RSPH6A: variants seen among roughly 807,000 people sequenced by gnomAD.
RSPH6A encodes radial spoke head protein 6 homolog A.
RSPH6A carries 49 observed loss-of-function variants against 66.1 expected under a neutral mutation model. That is an observed-to-expected ratio of 0.74 (90% confidence interval 0.59 to 0.94). The LOEUF (loss-of-function observed/expected upper bound fraction) is 0.94, where lower values mean the gene tolerates loss of function less well. Ranked by LOEUF, RSPH6A falls within the 40% of genes least tolerant of loss-of-function variation. The pLI, the probability that RSPH6A is intolerant of heterozygous loss-of-function variation, is 0.00. For missense variants in RSPH6A, 977 were observed against 948.3 expected, an observed-to-expected ratio of 1.03 and a Z score of -0.40; for synonymous variants, 419 against 402.4, an observed-to-expected ratio of 1.04 and a Z score of -0.49.
chr19:45,796,140 C>T, intron 5 of RSPH6A, 34 bp from the exon 6 acceptor site: 3 of 1,448,914 alleles, frequency 2.1e-6, no homozygotes, highest in South Asian at 2.9e-5. Context: ...GAAATTCTCC[C>T]TCAAAGGCCC....
intron 2 of RSPH6A, among the ~76,000 whole-genome samples, chr19:45,808,066 T>A (rs1970569515): frequency 6.6e-6 from 1 of 152,228 alleles, no homozygotes; most frequent in Non-Finnish European, 1.5e-5. Context: ...GGGACCTATG[T>A]TGTCAAACAA....
At chr19:45,807,212 AATT>A (rs1156963073) in intron 2 of RSPH6A, among the ~76,000 whole-genome samples, 2 of 144,602 alleles carry the variant, frequency 1.4e-5, no homozygotes, top group Non-Finnish European at 3.0e-5. Context: ...ATTTTTTAAA[AATT>A]ATTATTATTA....
chr19:45,805,218 G>A (rs1314129110), intron 2 of RSPH6A, among the ~76,000 whole-genome samples: 1 of 152,106 alleles, frequency 6.6e-6, no homozygotes, highest in Non-Finnish European at 1.5e-5. Context: ...CCAACATGGT[G>A]AAACTCTGTC....
chr19:45,804,412 C>A lies in RSPH6A; in HGVS notation c.1493G>T (p.Gly498Val), dbSNP rs1970512216. The change falls in exon 3 of 6, where the codon GGC becomes GTC. Residue 498 changes from glycine to valine, a missense_variant. Physicochemically the swap from Gly to Val is moderately radical, Grantham distance 109. Transcript: ENST00000221538. The surrounding 1 kb of genome is among the most constrained non-coding windows in gnomAD (Gnocchi z 5.8). ...CTCCTCCTCACTAAACTGGTAGAAG[C>A]CCAGCGGGCTGACCTGCGTGGCGGC... is the stretch of plus-strand genomic sequence containing the variant. ...ISAATQVSPL[G>V]FYQFSEEEGD... 11 of 1,613,922 alleles carry A rather than the reference C, an allele frequency of 6.8e-6. No homozygotes were observed. The highest frequency in any genetic ancestry group is 1.1e-5 in the South Asian group (1 of 91,064).
Position 45,802,264 on chromosome 19 carries a change from C to A in RSPH6A, c.1654G>T (p.Gly552Cys). 1 of 1,393,170 alleles carries A rather than the reference C, an allele frequency of 7.2e-7. No individual in the cohort carries two copies. The allele number at this position is 1,393,170 out of a possible 1,614,324, so 86.3% of individuals were successfully genotyped here. A position where few individuals can be genotyped will look rare whatever the true frequency, so the allele number is the denominator to read the frequency against. Residue 552 changes from glycine (G) to cysteine (C), a missense_variant and splice_region_variant, in exon 4 of 6, where the codon GGC becomes TGC. Coordinates refer to ENST00000221538, the MANE Select transcript of RSPH6A (RefSeq NM_030785.4). ...VHHTQHILPQ[G>C]RCTWVNPLQK... ...AAAGGGTTCACCCAAGTGCAGCGGC[C>A]CTGGGGGTGGGGGGAAGCTCAGGTG...
intron 3 of RSPH6A, among the ~76,000 whole-genome samples, chr19:45,802,833 T>G (rs1970490176): frequency 6.6e-6 from 1 of 150,958 alleles, no homozygotes; most frequent in Non-Finnish European, 1.5e-5. Context: ...TCTTTTTTTT[T>G]TTTGAGATGG....
chr19:45,799,589 G>T (rs1040611741), intron 5 of RSPH6A, among the ~76,000 whole-genome samples: 1 of 148,910 alleles, frequency 6.7e-6, no homozygotes, highest in South Asian at 2.2e-4. Flanking sequence ...TGTTCCTCTC[G>T]CTGGTCTCAA....
Position 45,815,206 on chromosome 19 carries a change from G to T in RSPH6A, c.-30C>A. The T allele has an allele frequency of 6.5e-7, 1 of 1,545,304 alleles. No individual in the cohort carries two copies. Among genetic ancestry groups the T allele is most frequent in the African/African-American group, 1.4e-5 (1 of 73,068 alleles). Reference sequence around the variant, plus strand: ...CGCCAGGAGGCACAGATCTCTAGGAGAAAGGCTTGCAGACAAGGAGGCCAA... The same window carrying T: ...CGCCAGGAGGCACAGATCTCTAGGATAAAGGCTTGCAGACAAGGAGGCCAA... On this transcript the variant is annotated 5_prime_UTR_variant, in exon 1 of 6. Coordinates refer to ENST00000221538, the MANE Select transcript of RSPH6A (RefSeq NM_030785.4).
intron 2 of RSPH6A, among the ~76,000 whole-genome samples, chr19:45,805,983 A>C (rs748530508): frequency 3.3e-5 from 5 of 152,186 alleles, no homozygotes; most frequent in Non-Finnish European, 7.3e-5. Context: ...TGGAGATGAA[A>C]GGTGGAAATT....
rs1183130472 is a variant in RSPH6A, at chr19:45,795,901, C to T, written c.2122G>A (p.Glu708Lys). The T allele has an allele frequency of 6.2e-7, 1 of 1,612,928 alleles. No individual in the cohort carries two copies. Among genetic ancestry groups the T allele is most frequent in the South Asian group, 1.1e-5 (1 of 90,992 alleles). ...GATEEEEEGE[E>K]EEEGEETDD The stretch of plus-strand genomic sequence containing the variant: ...TCTGTCTCCTCGCCCTCCTCCTCCT[C>T]CTCGCCCTCCTCCTCCTCCTCTGTG... Residue 708 changes from glutamate (E) to lysine (K), a missense_variant, in exon 6 of 6, where the codon GAG (glutamate) becomes AAG (lysine). By Grantham distance (56) the Glu-to-Lys change is moderately conservative. Coordinates refer to ENST00000221538, the MANE Select transcript of RSPH6A (RefSeq NM_030785.4).
chr19:45,798,369 A>G (rs1970430618), intron 5 of RSPH6A, among the ~76,000 whole-genome samples: 1 of 151,744 alleles, frequency 6.6e-6, no homozygotes, highest in African/African-American at 2.4e-5. Context: ...AAAAAAAAAG[A>G]AAAAAGAAAA....
chr19:45,798,736 A>G (rs1305589277), intron 5 of RSPH6A, among the ~76,000 whole-genome samples: 1 of 134,564 alleles, frequency 7.4e-6, no homozygotes, highest in Admixed American at 7.4e-5. Context: ...CTACTTGGGA[A>G]GCTGAGGCAG....
At chr19:45,813,582 T>A (rs1970658029) in intron 1 of RSPH6A, among the ~76,000 whole-genome samples, 1 of 152,200 alleles carries the variant, frequency 6.6e-6, no homozygotes, top group Non-Finnish European at 1.5e-5. Flanking sequence ...TGACCTCAGG[T>A]GATCCGCCCG....
intron 5 of RSPH6A, among the ~76,000 whole-genome samples, chr19:45,797,019 T>C (rs921017303): frequency 1.4e-4 from 21 of 151,996 alleles, no homozygotes; most frequent in African/African-American, 5.1e-4. Flanking sequence ...CAGTAAGTTG[T>C]GATCATGCCA....
At chr19:45,796,776 G>A (rs1051167284) in intron 5 of RSPH6A, among the ~76,000 whole-genome samples, 6 of 152,024 alleles carry the variant, frequency 3.9e-5, no homozygotes, top group Non-Finnish European at 7.4e-5. Flanking sequence ...GCCTCCCAAA[G>A]TGCTGGGATC....
rs141830079 is a variant in RSPH6A, at chr19:45,804,589, G to A, written c.1316C>T (p.Thr439Met). The A allele has an allele frequency of 1.4e-5, 23 of 1,614,056 alleles. No individual in the cohort carries two copies. The highest frequency in any genetic ancestry group is 5.3e-5 in the African/African-American group (4 of 74,932). The change falls in exon 3 of 6, where the codon ACG becomes ATG. Residue 439 changes from threonine (T) to methionine (M), a missense_variant. Coordinates refer to ENST00000221538, the MANE Select transcript of RSPH6A (RefSeq NM_030785.4). This position sits in a 1 kb window ranked among gnomAD's most constrained non-coding sequence, Gnocchi z 5.8. The stretch of plus-strand genomic sequence containing the variant: ...GGCTGGAGTGACGTGGGGCAGCCGC[G>A]TCCATGGCAGGCCCGGCTCGTTGCA... ...FVCNEPGLPW[T>M]RLPHVTPAQI...
chr19:45,804,596 G>A lies in RSPH6A; in HGVS notation c.1309C>T (p.Pro437Ser), dbSNP rs1370502414. 1 of 1,614,168 alleles carries A rather than the reference G, an allele frequency of 6.2e-7. No homozygotes were observed. The highest frequency in any genetic ancestry group is 8.5e-7 in the Non-Finnish European group (1 of 1,180,044). ...LYFVCNEPGLPWTRLPHVTPA... is the reference protein window; with the variant it reads ...LYFVCNEPGLSWTRLPHVTPA... ...GTGACGTGGGGCAGCCGCGTCCATG[G>A]CAGGCCCGGCTCGTTGCACACAAAG... Residue 437 changes from proline to serine, a missense_variant, in exon 3 of 6, where the codon CCA (proline) becomes TCA (serine). Physicochemically the swap from Pro to Ser is moderately conservative, Grantham distance 74 (BLOSUM62 -1). Transcript: ENST00000221538. This position sits in a 1 kb window ranked among gnomAD's most constrained non-coding sequence, Gnocchi z 5.8.
chr19:45,815,293 G>A lies in RSPH6A; in HGVS notation c.-117C>T. 1 of 1,232,326 alleles carries A rather than the reference G, an allele frequency of 8.1e-7. No homozygotes were observed. Among genetic ancestry groups the A allele is most frequent in the South Asian group, 1.6e-5 (1 of 63,566 alleles). 76.3% of individuals were successfully genotyped at this position (1,232,326 alleles called of 1,614,324 possible). ...ACCGAGAGAGGGGGCCGTTACCCGTGGAGGGCGCGGGGAGCGGGCCAGGGT... is the reference window on the plus strand; with the variant it reads ...ACCGAGAGAGGGGGCCGTTACCCGTAGAGGGCGCGGGGAGCGGGCCAGGGT... On this transcript the variant is annotated 5_prime_UTR_variant, in exon 1 of 6. Transcript: ENST00000221538.
chr19:45,803,791 G>C (rs1305337972), intron 3 of RSPH6A, among the ~76,000 whole-genome samples: 1 of 151,224 alleles, frequency 6.6e-6, no homozygotes, highest in Non-Finnish European at 1.5e-5. Flanking sequence ...TCAGGACTTT[G>C]AGACCAGCTT....
Sources: allele counts gnomAD v4.1 joint callset (sites outside exome capture counted in the v4.1 genomes callset), GRCh38; gene constraint gnomAD v4.1.1; non-coding constraint Gnocchi (gnomAD v3.1); transcripts MANE v1.5; gene names NCBI Gene and HGNC (gene_info 2026-07-23, HGNC 2026-07-21).